Variants in LMNTD1 observed in about 807,000 individuals in gnomAD.
The protein encoded by LMNTD1 is lamin tail domain-containing protein 1.
Under a neutral mutation model 50.9 loss-of-function variants are expected in LMNTD1, and 35 were observed. The observed-to-expected ratio is 0.69, with a 90% CI of 0.53 to 0.91. The LOEUF is 0.91. LMNTD1 is among the 40% of genes least tolerant of loss of function. The pLI is 0.00. For synonymous variants in LMNTD1, 153 were observed against 161.9 expected (o/e 0.94, Z 0.42); for missense variants, 470 against 475.5 (o/e 0.99, Z 0.11).
intron 9 of LMNTD1, chr12:25,503,104 A>G (rs561181676): frequency 1.6e-4 from 24 of 152,360 alleles, no homozygotes; most frequent in African/African-American, 5.8e-4. Flanking sequence ...CGAGGGCAAC[A>G]AAGAATGTGA....
chr12:25,485,619 TA>T (rs1938602299), intron 9 of LMNTD1, among the ~76,000 whole-genome samples: 1 of 135,832 alleles, frequency 7.4e-6, no homozygotes, highest in Non-Finnish European at 1.6e-5. Context: ...GGTTTTCTTC[TA>T]GGGTTTTTAT....
At chr12:25,610,866 G>A (rs1946225177) in intron 1 of LMNTD1, among the ~76,000 whole-genome samples, 1 of 152,176 alleles carries the variant, frequency 6.6e-6, no homozygotes, top group Admixed American at 6.5e-5. Flanking sequence ...GTTGGGTTTG[G>A]TTTGGGCATA....
At chr12:25,556,871 A>C (rs544165454), upstream of LMNTD1, among the ~76,000 whole-genome samples, 1 of 152,336 alleles carries the variant, frequency 6.6e-6, no homozygotes, top group African/African-American at 2.4e-5. Context: ...CTGCCTCCAC[A>C]TGTGGAGAAG....
intron 1 of LMNTD1, among the ~76,000 whole-genome samples, chr12:25,614,598 G>A (rs1276039375): frequency 6.6e-6 from 1 of 152,196 alleles, no homozygotes; most frequent in Non-Finnish European, 1.5e-5. Flanking sequence ...ACCCAAAAGA[G>A]AACAGTATTT....
chr12:25,512,704 G>A (rs185407458), intron 8 of LMNTD1, among the ~76,000 whole-genome samples: 203 of 152,236 alleles, frequency 1.3e-3, no homozygotes, highest in African/African-American at 4.8e-3. Flanking sequence ...TAGAAGGTAT[G>A]GTGACTCCTG....
chr12:25,481,936 C>T (rs12422644), intron 9 of LMNTD1, among the ~76,000 whole-genome samples: 32,913 of 150,126 alleles, frequency 0.22, 3,943 homozygotes, highest in Non-Finnish European at 0.26. Context: ...AAAAATTTCT[C>T]TAGGTTTGTA....
chr12:25,607,604 T>G (rs1184403498), intron 1 of LMNTD1, among the ~76,000 whole-genome samples: 1 of 152,218 alleles, frequency 6.6e-6, no homozygotes, highest in Admixed American at 6.5e-5. Context: ...CAGTAGTCAT[T>G]CAGGAGCAGA....
chr12:25,561,165 T>A (rs996537723), intron 1 of LMNTD1, among the ~76,000 whole-genome samples: 3 of 152,198 alleles, frequency 2.0e-5, no homozygotes, highest in African/African-American at 7.2e-5. Flanking sequence ...TGATCTTAGT[T>A]ATTTCTTGCC....
intron 1 of LMNTD1, among the ~76,000 whole-genome samples, chr12:25,638,532 C>A (rs1042439307): frequency 3.9e-5 from 6 of 152,012 alleles, no homozygotes; most frequent in Admixed American, 1.3e-4. Context: ...GTATTTATAT[C>A]AATTTCAATG....
chr12:25,523,283 C>T (rs549728480), intron 6 of LMNTD1, among the ~76,000 whole-genome samples: 5 of 152,144 alleles, frequency 3.3e-5, no homozygotes, highest in South Asian at 2.1e-4. Flanking sequence ...CCGCCCGCCT[C>T]GGCCTCCCAA....
intron 1 of LMNTD1, among the ~76,000 whole-genome samples, chr12:25,605,224 A>T (rs1447125415): frequency 4.6e-5 from 7 of 151,610 alleles, no homozygotes; most frequent in Non-Finnish European, 8.8e-5. Flanking sequence ...GTTTGAGTTC[A>T]TTGTAGATTC....
intron 9 of LMNTD1, among the ~76,000 whole-genome samples, chr12:25,501,586 A>G (rs531949217): frequency 2.0e-5 from 3 of 152,290 alleles, no homozygotes; most frequent in African/African-American, 4.8e-5. Flanking sequence ...GCTACTTACT[A>G]TCTAAGTGAC....
At chr12:25,530,902 A>C (rs1942182042) in intron 4 of LMNTD1, among the ~76,000 whole-genome samples, 1 of 152,198 alleles carries the variant, frequency 6.6e-6, no homozygotes, top group African/African-American at 2.4e-5. Context: ...AATCTAATCA[A>C]ATGAACCTTA....
chr12:25,497,813 A>G (rs1396686872), intron 9 of LMNTD1: 1 of 151,888 alleles, frequency 6.6e-6, no homozygotes, highest in African/African-American at 2.4e-5. Context: ...AAAAAAATGC[A>G]TATGTTTGAA....
At chr12:25,606,867 C>T (rs1004315311) in intron 1 of LMNTD1, among the ~76,000 whole-genome samples, 1 of 152,142 alleles carries the variant, frequency 6.6e-6, no homozygotes, top group Non-Finnish European at 1.5e-5. Context: ...AGGGAGGATT[C>T]CTTCTTTTCC....
At chr12:25,643,719 G>C (rs536798090) in intron 1 of LMNTD1, among the ~76,000 whole-genome samples, 62 of 152,296 alleles carry the variant, frequency 4.1e-4, no homozygotes, top group African/African-American at 1.3e-3. Context: ...TAAAATCAAG[G>C]TTCTGATGGC....
chr12:25,579,234 TA>T (rs1206950165), intron 1 of LMNTD1, among the ~76,000 whole-genome samples: 1 of 152,210 alleles, frequency 6.6e-6, no homozygotes, highest in East Asian at 1.9e-4. Flanking sequence ...ATATATTTTT[TA>T]AAATGAATAG....
intron 5 of LMNTD1, among the ~76,000 whole-genome samples, chr12:25,526,551 A>T (rs1029873948): frequency 6.6e-6 from 1 of 152,216 alleles, no homozygotes; most frequent in African/African-American, 2.4e-5. Flanking sequence ...AAGATATTGT[A>T]CACAAAATTG....
chr12:25,534,441 C>T (rs57814784), intron 4 of LMNTD1, among the ~76,000 whole-genome samples: 2,964 of 152,174 alleles, frequency 0.019, 114 homozygotes, highest in African/African-American at 0.068. Flanking sequence ...GATTATTTCT[C>T]GAGAAAATTT....
Sources: allele counts gnomAD v4.1 joint callset (sites outside exome capture counted in the v4.1 genomes callset), GRCh38; gene constraint gnomAD v4.1.1; transcripts MANE v1.5; gene names NCBI Gene and HGNC (gene_info 2026-07-23, HGNC 2026-07-21).